POU6F2: variants seen among roughly 807,000 people sequenced by gnomAD.
POU6F2 encodes the protein POU domain, class 6, transcription factor 2.
A neutral mutation model predicts 71.3 loss-of-function variants in POU6F2; 31 were observed. The observed-to-expected ratio is 0.43, with a 90% CI of 0.33 to 0.59. The LOEUF is 0.59. Among genes scored for constraint, POU6F2 ranks in the 20% least tolerant of loss-of-function variants. The pLI is 0.04. For synonymous variants in POU6F2, 347 were observed against 355.7 expected (o/e 0.98, Z 0.27); for missense variants, 783 against 856.8 (o/e 0.91, Z 1.07).
At chr7:39,001,628 G>A (rs766305451) in intron 1 of POU6F2, among the ~76,000 whole-genome samples, 11 of 151,816 alleles carry the variant, frequency 7.2e-5, no homozygotes, top group East Asian at 3.9e-4. Flanking sequence ...TGTTGACCAC[G>A]GCTGGTGCTG....
intron 5 of POU6F2, among the ~76,000 whole-genome samples, chr7:39,399,335 T>G (rs553411141): frequency 6.6e-6 from 1 of 152,180 alleles, no homozygotes; most frequent in Admixed American, 6.5e-5. Flanking sequence ...GGGTACTGAA[T>G]AAATGCTCGG....
intron 1 of POU6F2, among the ~76,000 whole-genome samples, chr7:39,037,122 G>A (rs927429886): frequency 3.3e-4 from 50 of 152,068 alleles, no homozygotes; most frequent in African/African-American, 1.1e-3. Flanking sequence ...TGGGGAGGGT[G>A]AATTAAGACT....
chr7:39,148,348 T>A lies in POU6F2; in HGVS notation c.278-55887T>A, dbSNP rs1443145118. Among the ~76,000 whole-genome samples the A allele has an allele frequency of 2.0e-5, 3 of 152,200 alleles. No individual in the cohort carries two copies. The East Asian group carries it at 5.8e-4, about 29-fold the overall frequency. ...TGAACTCTGGTTGCCTCTTATTTTC[T>A]ACCCACTTCTTGGGTTCAGAGTCCC... On this transcript the variant is annotated intron_variant, in intron 2 of 9. Coordinates refer to ENST00000518318, the MANE Select transcript of POU6F2 (RefSeq NM_001370959.1).
intron 6 of POU6F2, among the ~76,000 whole-genome samples, chr7:39,422,533 G>A (rs1787874616): frequency 6.6e-6 from 1 of 152,174 alleles, no homozygotes; most frequent in Non-Finnish European, 1.5e-5. Flanking sequence ...CCACAGATGG[G>A]AAGTTTTTGG....
intron 1 of POU6F2, among the ~76,000 whole-genome samples, chr7:38,984,557 T>C (rs932481829): frequency 6.6e-6 from 1 of 152,044 alleles, no homozygotes; most frequent in African/African-American, 2.4e-5. Context: ...AAAAATACAG[T>C]GAAATAATAC....
At chr7:39,128,635 C>T (rs1259932039) in intron 2 of POU6F2, among the ~76,000 whole-genome samples, 8 of 152,160 alleles carry the variant, frequency 5.3e-5, no homozygotes, top group Non-Finnish European at 1.0e-4. Flanking sequence ...TTATCAGTGA[C>T]GAATGTGCAC....
intron 7 of POU6F2, among the ~76,000 whole-genome samples, chr7:39,435,958 C>G (rs1246750812): frequency 6.6e-6 from 1 of 152,112 alleles, no homozygotes; most frequent in Non-Finnish European, 1.5e-5. Context: ...TTTCTGAGGT[C>G]TCTATTGTGC....
intron 2 of POU6F2, among the ~76,000 whole-genome samples, chr7:39,111,851 A>AT (rs986307277): frequency 1.0e-3 from 151 of 150,042 alleles, no homozygotes; most frequent in Non-Finnish European, 1.0e-3. Flanking sequence ...ATATTGGCAG[A>AT]TTTTTTTTTT....
At chr7:39,339,084 A>ATTTT (rs778210474) in intron 4 of POU6F2, among the ~76,000 whole-genome samples, 25 of 136,536 alleles carry the variant, frequency 1.8e-4, no homozygotes, top group African/African-American at 5.3e-4. Context: ...TGAATTTTTA[A>ATTTT]AAAAAAAAAA....
At chr7:39,307,607 G>A (rs2128766145) in intron 4 of POU6F2, among the ~76,000 whole-genome samples, 1 of 152,244 alleles carries the variant, frequency 6.6e-6, no homozygotes, top group African/African-American at 2.4e-5. Context: ...AGAGCTTCAT[G>A]TGTTATTGGT....
At chr7:39,139,294 T>C (rs1792449293) in intron 2 of POU6F2, among the ~76,000 whole-genome samples, 1 of 152,188 alleles carries the variant, frequency 6.6e-6, no homozygotes, top group African/African-American at 2.4e-5. Context: ...AAACCGCCTT[T>C]GCCCCAGAGA....
intron 2 of POU6F2, among the ~76,000 whole-genome samples, chr7:39,094,541 T>C (rs186309791): frequency 7.1e-4 from 108 of 152,246 alleles, no homozygotes; most frequent in African/African-American, 2.5e-3. Flanking sequence ...AATAAAGAAA[T>C]CATATTTTAA....
chr7:39,156,198 C>T (rs1423125816), intron 2 of POU6F2, among the ~76,000 whole-genome samples: 2 of 152,116 alleles, frequency 1.3e-5, no homozygotes, highest in Non-Finnish European at 2.9e-5. Flanking sequence ...TATGCTGTGT[C>T]TAAGATTAGT....
At chr7:39,382,030 T>C (rs1786839253) in intron 5 of POU6F2, among the ~76,000 whole-genome samples, 1 of 151,004 alleles carries the variant, frequency 6.6e-6, no homozygotes, top group Non-Finnish European at 1.5e-5. Flanking sequence ...CAGTTGAGAA[T>C]CAACACACAA....
At chr7:39,084,952 G>C (rs1212996219) in intron 1 of POU6F2, 1 of 152,050 alleles carries the variant, frequency 6.6e-6, no homozygotes, top group Non-Finnish European at 1.5e-5. Flanking sequence ...TGGAATAAAA[G>C]ACTACACTTG....
chr7:39,335,230 T>C (rs895371331), intron 4 of POU6F2, among the ~76,000 whole-genome samples: 1 of 152,214 alleles, frequency 6.6e-6, no homozygotes, highest in African/African-American at 2.4e-5. Context: ...TTGCTTATAA[T>C]AACAGCCATG....
rs1240621282 is a variant in POU6F2 at position 39,454,713 on chromosome 7, T to G, written c.1489+3012T>G. Among the ~76,000 whole-genome samples, 442 of 76,736 alleles carry G rather than the reference T, an allele frequency of 5.8e-3. 49 individuals are homozygous for G. The highest frequency in any genetic ancestry group is 0.016 in the African/African-American group (384 of 23,600). 50.3% of individuals were successfully genotyped at this position (76,736 alleles called of 152,430 possible). A position where few individuals can be genotyped will look rare whatever the true frequency, so the allele number is the denominator to read the frequency against. On this transcript the variant is annotated intron_variant, in intron 8 of 9. Transcript: ENST00000518318. ...ATATATATATATATATATATATATATATATATATATATATAAAATAAGATA... is the reference window on the plus strand; with the variant it reads ...ATATATATATATATATATATATATAGATATATATATATATAAAATAAGATA...
intron 5 of POU6F2, among the ~76,000 whole-genome samples, chr7:39,384,848 G>C (rs966102731): frequency 6.6e-6 from 1 of 152,172 alleles, no homozygotes; most frequent in Admixed American, 6.5e-5. Context: ...ACACAGAATG[G>C]AAGCAAAATT....
At chr7:39,052,279 G>C (rs1790414249) in intron 1 of POU6F2, among the ~76,000 whole-genome samples, 1 of 152,090 alleles carries the variant, frequency 6.6e-6, no homozygotes, top group African/African-American at 2.4e-5. Context: ...GAAATGAAAT[G>C]ATAGTAAAAT....
Sources: allele counts gnomAD v4.1 joint callset (sites outside exome capture counted in the v4.1 genomes callset), GRCh38; gene constraint gnomAD v4.1.1; transcripts MANE v1.5; gene names NCBI Gene and HGNC (gene_info 2026-07-23, HGNC 2026-07-21).